The following EEA1 variants were observed in gnomAD, a reference collection of about 807,000 sequenced individuals.
The protein encoded by EEA1 is early endosome antigen 1, 162kD.
EEA1 carries 111 observed loss-of-function variants against 209.2 expected under a neutral mutation model. That is an observed-to-expected ratio of 0.53 (90% CI 0.45 to 0.62). EEA1 has a LOEUF of 0.62. Among genes scored for constraint, EEA1 ranks in the 20% least tolerant of loss-of-function variants. The probability of loss-of-function intolerance (pLI) is 0.00; values close to 1 mark genes in which losing one functional copy is unlikely to be tolerated. For missense variants in EEA1, 1,343 were observed against 1,530.8 expected (o/e 0.88, Z 2.05); for synonymous variants, 536 against 540.6 (o/e 0.99, Z 0.12).
intron 1 of EEA1, among the ~76,000 whole-genome samples, chr12:92,897,246 C>A (rs1241800386): frequency 2.6e-5 from 4 of 152,222 alleles, no homozygotes; most frequent in African/African-American, 7.2e-5. Flanking sequence ...AATTGGCTAT[C>A]CACAACAAAT....
chr12:92,925,818 A>G (rs1281986157), intron 1 of EEA1, among the ~76,000 whole-genome samples: 1 of 152,180 alleles, frequency 6.6e-6, no homozygotes, highest in Non-Finnish European at 1.5e-5. Flanking sequence ...AAATTTCCGT[A>G]AAGTATCCTG....
At chr12:92,829,630 T>G (rs1876512773) in intron 11 of EEA1, among the ~76,000 whole-genome samples, 1 of 151,056 alleles carries the variant, frequency 6.6e-6, no homozygotes, top group Admixed American at 6.6e-5. Context: ...ATACAGAAAG[T>G]CAGTCAGGTG....
chr12:92,827,104 C>T (rs1383512092), intron 12 of EEA1, among the ~76,000 whole-genome samples: 2 of 152,062 alleles, frequency 1.3e-5, no homozygotes, highest in Admixed American at 6.5e-5. Context: ...ACCCGTAATC[C>T]CAGCACTTTG....
At chr12:92,809,286 A>C in intron 17 of EEA1, 130 bp from the exon 18 acceptor site, 1 of 621,042 alleles carries the variant, frequency 1.6e-6, no homozygotes, top group Non-Finnish European at 2.4e-6. Context: ...ATAATAAAAA[A>C]CATATTCTGA....
intron 10 of EEA1, among the ~76,000 whole-genome samples, chr12:92,836,586 C>T (rs532941185): frequency 2.6e-5 from 4 of 152,228 alleles, no homozygotes; most frequent in South Asian, 4.1e-4. Context: ...AGCTCGCCAA[C>T]GTCTCTTATT....
chr12:92,867,707 T>C (rs1415457797), intron 2 of EEA1, among the ~76,000 whole-genome samples: 2 of 152,210 alleles, frequency 1.3e-5, no homozygotes, highest in African/African-American at 2.4e-5. Flanking sequence ...TACAATGCTA[T>C]ATAATACAAT....
chr12:92,797,368 G>A (rs538664171), intron 21 of EEA1, among the ~76,000 whole-genome samples: 1 of 152,184 alleles, frequency 6.6e-6, no homozygotes, highest in African/African-American at 2.4e-5. Flanking sequence ...GATTACAGGT[G>A]TGAGCCACTG....
intron 2 of EEA1, chr12:92,884,787 AAGCACAGT>A: frequency 1.2e-6 from 1 of 863,282 alleles, no homozygotes; most frequent in Non-Finnish European, 1.9e-6. Flanking sequence ...GAACTCAGCC[AAGCACAGT>A]GGTGGCAGGG....
chr12:92,895,815 T>C (rs1052488124), intron 1 of EEA1, among the ~76,000 whole-genome samples: 2 of 152,064 alleles, frequency 1.3e-5, no homozygotes, highest in African/African-American at 2.4e-5. Flanking sequence ...TTGTGATTCA[T>C]GGGAGGAAGT....
At chr12:92,910,772 T>G (rs1880553467) in intron 1 of EEA1, among the ~76,000 whole-genome samples, 1 of 152,148 alleles carries the variant, frequency 6.6e-6, no homozygotes, top group African/African-American at 2.4e-5. Context: ...AAACAACTCT[T>G]TAAATTCAAC....
chr12:92,908,126 C>T (rs1880449704), intron 1 of EEA1, among the ~76,000 whole-genome samples: 1 of 152,158 alleles, frequency 6.6e-6, no homozygotes, highest in African/African-American at 2.4e-5. Flanking sequence ...TATACATCCA[C>T]AATGAAATAT....
chr12:92,801,102 T>C (rs889509188), intron 20 of EEA1, among the ~76,000 whole-genome samples: 6 of 152,134 alleles, frequency 3.9e-5, no homozygotes, highest in Non-Finnish European at 5.9e-5. Flanking sequence ...CTGGAAACAA[T>C]AGAAGCATTA....
Position 92,861,282 on chromosome 12 carries a change from C to T in EEA1, c.245+3578G>A, listed in dbSNP as rs2136719596. ...ACCAGCCTGACCAACATGGAGAAAC[C>T]CCATCTCTACTAAAAATACAAAATT... is the stretch of plus-strand genomic sequence containing the variant. On this transcript the variant is annotated intron_variant, in intron 3 of 28. Transcript: ENST00000322349. Among the ~76,000 whole-genome samples the T allele has an allele frequency of 2.0e-5, 3 of 152,262 alleles. 1 individual carries two copies. In the South Asian group the frequency reaches 6.2e-4, roughly 32 times the overall value.
chr12:92,872,025 C>T (rs545010453), intron 2 of EEA1, among the ~76,000 whole-genome samples: 6 of 150,936 alleles, frequency 4.0e-5, no homozygotes, highest in Admixed American at 6.6e-5. Context: ...GGACTACAGG[C>T]GCGTACCACC....
chr12:92,777,692 T>C (rs1873716833), intron 26 of EEA1, 29 bp from the exon 27 acceptor site: 2 of 1,599,150 alleles, frequency 1.3e-6, no homozygotes, highest in Non-Finnish European at 1.7e-6. Flanking sequence ...AGGTAATTAA[T>C]TTTTTAGAAA....
intron 1 of EEA1, among the ~76,000 whole-genome samples, chr12:92,924,038 G>C (rs992594928): frequency 6.6e-6 from 1 of 152,020 alleles, no homozygotes; most frequent in Non-Finnish European, 1.5e-5. Flanking sequence ...TTGAGCCCAG[G>C]AGGCAGGGGC....
chr12:92,832,389 G>T, intron 11 of EEA1, 123 bp downstream of exon 11: 1 of 916,884 alleles, frequency 1.1e-6, no homozygotes, highest in Non-Finnish European at 1.6e-6. Context: ...TAAAAGTTAA[G>T]AGTTAATCTT....
chr12:92,909,044 T>G (rs1296074632), intron 1 of EEA1, among the ~76,000 whole-genome samples: 1 of 152,182 alleles, frequency 6.6e-6, no homozygotes, highest in African/African-American at 2.4e-5. Flanking sequence ...AACTCCTGAC[T>G]TGTGATCTGC....
At chr12:92,871,584 A>G (rs1254830719) in intron 2 of EEA1, among the ~76,000 whole-genome samples, 1 of 152,246 alleles carries the variant, frequency 6.6e-6, no homozygotes, top group Non-Finnish European at 1.5e-5. Flanking sequence ...ATTTTTATAA[A>G]ACAAGACAAT....
Sources: gnomAD v4.1 joint callset for allele counts (sites outside exome capture counted in the v4.1 genomes callset) on GRCh38, gnomAD v4.1.1 for gene constraint, MANE v1.5 for transcripts, NCBI Gene and HGNC (gene_info 2026-07-23, HGNC 2026-07-21) for gene names.